MYO10: variants seen among roughly 807,000 people sequenced by gnomAD.
MYO10 encodes the protein unconventional myosin-X.
In MYO10, 133 loss-of-function variants were observed where a neutral mutation model predicts 257.3. That is an observed-to-expected ratio of 0.52 (90% CI 0.45 to 0.60). MYO10 has a LOEUF of 0.60. Among genes scored for constraint, MYO10 ranks in the 20% least tolerant of loss-of-function variants. The pLI is 0.00. For synonymous variants in MYO10, 1,104 were observed against 1,028.6 expected (o/e 1.07, Z -1.40); for missense variants, 2,399 against 2,635.7 (o/e 0.91, Z 1.97).
rs755118083 is a variant in MYO10, at chr5:16,673,873, G to GAAA, written c.4978_4980dup (p.Phe1660dup). On this transcript the variant is annotated inframe_insertion, in exon 36 of 41. Coordinates refer to ENST00000513610, the MANE Select transcript of MYO10 (RefSeq NM_012334.3). ...GCGTATTTTTCCATCTCGCTTCCTG[G>GAAA]AAACTGTTCCCGTATCCTAGGAGGC... 6.2e-7 allele frequency: 1 copy of GAAA among 1,613,836 alleles called. No individual in the cohort carries two copies. Among genetic ancestry groups the GAAA allele is most frequent in the Non-Finnish European group, 8.5e-7 (1 of 1,179,874 alleles).
At chr5:16,711,654 C>T (rs375070085) in intron 19 of MYO10, among the ~76,000 whole-genome samples, 4 of 152,132 alleles carry the variant, frequency 2.6e-5, no homozygotes, top group East Asian at 3.9e-4. Context: ...TGGTGGCACG[C>T]GCCTGTAGTC....
chr5:16,782,055 T>C (rs191496621), intron 5 of MYO10, among the ~76,000 whole-genome samples: 200 of 152,346 alleles, frequency 1.3e-3, no homozygotes, highest in Middle Eastern at 0.01. Flanking sequence ...TGCCAAGGGA[T>C]GCCACACAGT....
intron 18 of MYO10, among the ~76,000 whole-genome samples, chr5:16,757,450 A>C (rs1740568902): frequency 6.6e-6 from 1 of 152,134 alleles, no homozygotes; most frequent in Admixed American, 6.6e-5. Flanking sequence ...AAGGTAACTG[A>C]CATCAGTCTC....
chr5:16,894,935 G>A (rs1000245603), intron 1 of MYO10, among the ~76,000 whole-genome samples: 5 of 152,114 alleles, frequency 3.3e-5, no homozygotes, highest in African/African-American at 1.2e-4. Context: ...CTTATGCAGC[G>A]CTACTTAATC....
rs369228270 is a variant in MYO10, at chr5:16,701,623, G to A, written c.2772C>T (p.Asp924=). ...ASLQKLQERR[D]QELRRLEEEA... Reference sequence around the variant, plus strand: ...CCTCCTCCAGCCTGCGGAGCTCCTGGTCCCGCCGCTCCTGCAGCTTCTGCA... The same window carrying A: ...CCTCCTCCAGCCTGCGGAGCTCCTGATCCCGCCGCTCCTGCAGCTTCTGCA... Residue 924 remains aspartate (D), a synonymous_variant, in exon 25 of 41, where the codon GAC becomes GAT. Coordinates refer to ENST00000513610, the MANE Select transcript of MYO10 (RefSeq NM_012334.3). This position sits in a 1 kb window ranked among gnomAD's most constrained non-coding sequence, Gnocchi z 8.1. 4.3e-6 allele frequency: 7 copies of A among 1,611,102 alleles called. No homozygotes were observed. Among genetic ancestry groups the A allele is most frequent in the African/African-American group, 4.0e-5 (3 of 74,908 alleles).
chr5:16,769,864 TTTA>T (rs1418621416), intron 9 of MYO10, among the ~76,000 whole-genome samples: 5 of 152,170 alleles, frequency 3.3e-5, no homozygotes, highest in Admixed American at 2.6e-4. Flanking sequence ...TAATGAAATA[TTTA>T]TTATTTTCTT....
chr5:16,811,478 C>T (rs533370222), intron 3 of MYO10, among the ~76,000 whole-genome samples: 29 of 152,278 alleles, frequency 1.9e-4, no homozygotes, highest in Non-Finnish European at 3.7e-4. Flanking sequence ...GCGATGAGGC[C>T]GCATCAAGCT....
At chr5:16,802,574 A>G (rs1742151644) in intron 3 of MYO10, among the ~76,000 whole-genome samples, 1 of 150,074 alleles carries the variant, frequency 6.7e-6, no homozygotes, top group South Asian at 2.1e-4. Context: ...GGAGATTGGC[A>G]TGAACCCGGG....
intron 4 of MYO10, among the ~76,000 whole-genome samples, chr5:16,785,703 C>G (rs1741558575): frequency 6.6e-6 from 1 of 152,082 alleles, no homozygotes; most frequent in African/African-American, 2.4e-5. Context: ...AACCCTGTCT[C>G]TACTCAAAAT....
chr5:16,682,148 T>C (rs1396056340), intron 30 of MYO10, 135 bp from the exon 31 acceptor site: 1 of 1,065,668 alleles, frequency 9.4e-7, no homozygotes, highest in East Asian at 2.5e-5. Context: ...TCTGTGCTTT[T>C]ATTAAGGCAA....
chr5:16,878,127 C>T lies in MYO10; in HGVS notation c.22-420G>A, dbSNP rs114100365. 8.3e-3 allele frequency among the ~76,000 whole-genome samples: 1,264 copies of T among 152,260 alleles called. 18 individuals are homozygous for T. The highest frequency in any genetic ancestry group is 0.028 in the African/African-American group (1,174 of 41,542). On this transcript the variant is annotated intron_variant, in intron 1 of 40. Transcript: ENST00000513610. ...TGACAGGCAGTTGGGCTCCAGAAAC[C>T]AGAAGTTTAACTAGGTCTCAACAAG...
Position 16,764,358 on chromosome 5 carries a change from A to C in MYO10, c.1218T>G (p.Tyr406Ter). ...TGATTACCCACTCAAAGCAGCACGC[A>C]TACAGAGCCATGGCCAGGGAGTCCC... ...DSRDSLAMAL[Y>*]ACCFEWVIKK... The change falls in exon 12 of 41, where the codon TAT becomes TAG. Residue 406 changes from tyrosine to a stop codon, truncating the protein, a stop_gained. Transcript: ENST00000513610. LOFTEE classifies it high-confidence loss of function. 6.2e-7 allele frequency: 1 copy of C among 1,613,980 alleles called. No individual in the cohort carries two copies. Among genetic ancestry groups the C allele is most frequent in the Non-Finnish European group, 8.5e-7 (1 of 1,179,884 alleles).
chr5:16,764,019 G>C (rs1464568851), intron 12 of MYO10, among the ~76,000 whole-genome samples: 1 of 151,858 alleles, frequency 6.6e-6, no homozygotes, highest in African/African-American at 2.4e-5. Flanking sequence ...GTGGTGGCAG[G>C]CACCTGTAAT....
At position 16,817,439 on chromosome 5, in the gene MYO10, T is replaced by C. The variant is rs1201927684; in HGVS notation, c.279+570A>G. On this transcript the variant is annotated intron_variant, in intron 3 of 40. Coordinates refer to ENST00000513610, the MANE Select transcript of MYO10 (RefSeq NM_012334.3). ...TAAATATCACTTTATAATACAGGTA[T>C]AGTCACATTTCATAGAAGTTGAGAG... Among the ~76,000 whole-genome samples the C allele has an allele frequency of 2.0e-5, 3 of 152,200 alleles. No homozygotes were observed. The East Asian group carries it at 5.8e-4, about 29-fold the overall frequency.
intron 1 of MYO10, among the ~76,000 whole-genome samples, chr5:16,914,237 G>A (rs76275875): frequency 0.058 from 8,798 of 152,256 alleles, 261 homozygotes; most frequent in Non-Finnish European, 0.079. Context: ...TTGGCTGAGT[G>A]CCCACTGCCA....
chr5:16,801,598 G>A (rs1043596774), intron 3 of MYO10, among the ~76,000 whole-genome samples: 4 of 152,052 alleles, frequency 2.6e-5, no homozygotes, highest in African/African-American at 7.2e-5. Context: ...TTCTCGTTTT[G>A]TGATTCATAT....
rs1047037646 is a variant in MYO10, at chr5:16,665,739, T to C, written c.*953A>G. 10 of 152,640 alleles carry C rather than the reference T, an allele frequency of 6.6e-5. No individual in the cohort carries two copies. The highest frequency in any genetic ancestry group is 1.9e-4 in the African/African-American group (8 of 41,464). 9.5% of individuals were successfully genotyped at this position (152,640 alleles called of 1,614,324 possible). A position where few individuals can be genotyped will look rare whatever the true frequency, so the allele number is the denominator to read the frequency against. ...CTTAAATCTTTTAGACATGAAAGAC[T>C]CCAAAATGACTTCATTCTTGTTCTA... is the stretch of plus-strand genomic sequence containing the variant. On this transcript the variant is annotated 3_prime_UTR_variant, in exon 41 of 41. Coordinates refer to ENST00000513610, the MANE Select transcript of MYO10 (RefSeq NM_012334.3).
intron 2 of MYO10, among the ~76,000 whole-genome samples, chr5:16,872,562 G>A (rs377204148): frequency 6.6e-6 from 1 of 152,102 alleles, no homozygotes; most frequent in East Asian, 1.9e-4. Flanking sequence ...AAAGTTAAAA[G>A]ACTAAAAGGA....
chr5:16,818,396 G>GTATATATATATATA (rs1329747245), intron 2 of MYO10, among the ~76,000 whole-genome samples: 2 of 111,910 alleles, frequency 1.8e-5, no homozygotes, highest in Non-Finnish European at 1.9e-5. Context: ...GTGTGTGTGT[G>GTATATATATATATA]TGTGTGTGTG....
Sources: gnomAD v4.1 joint callset for allele counts (sites outside exome capture counted in the v4.1 genomes callset) on GRCh38, gnomAD v4.1.1 for gene constraint, Gnocchi (gnomAD v3.1) non-coding constraint, MANE v1.5 for transcripts, NCBI Gene and HGNC (gene_info 2026-07-23, HGNC 2026-07-21) for gene names.